The following IL1RAPL2 variants were observed in gnomAD, a reference collection of about 807,000 sequenced individuals.
IL1RAPL2 encodes X-linked interleukin-1 receptor accessory protein-like 2.
A neutral mutation model predicts 44.1 loss-of-function variants in IL1RAPL2; 3 were observed. The ratio of observed to expected loss-of-function variants is 0.07; its 90% CI spans 0.03 to 0.18. IL1RAPL2 has a LOEUF of 0.18. Among genes scored for constraint, IL1RAPL2 ranks in the 10% least tolerant of loss-of-function variants. The probability of loss-of-function intolerance (pLI) is 1.00; values close to 1 mark genes in which losing one functional copy is unlikely to be tolerated. For synonymous variants in IL1RAPL2, 181 were observed against 178.8 expected (o/e 1.01, Z -0.10); for missense variants, 391 against 496.4 (o/e 0.79, Z 2.02).
At position 105,542,738 on chromosome X, in the gene IL1RAPL2, TA is replaced by T. The variant is rs1470360126; in HGVS notation, c.772+58352del. On this transcript the variant is annotated intron_variant, in intron 6 of 10. Transcript: ENST00000372582. Reference sequence around the variant, plus strand: ...TTATTTATTTATTTATTTAATTTATTATTTTTTTTTTTTGAGACGGAGTCTC... The same window carrying T: ...TTATTTATTTATTTATTTAATTTATTTTTTTTTTTTTTGAGACGGAGTCTC... Among the ~76,000 whole-genome samples the T allele has an allele frequency of 2.5e-3, 258 of 103,153 alleles. 5 individuals carry two copies. Among genetic ancestry groups the T allele is most frequent in the Admixed American group, 5.8e-3 (56 of 9,612 alleles). The allele number at this position is 103,153 out of a possible 115,157, so 89.6% of individuals were successfully genotyped here.
intron 2 of IL1RAPL2, among the ~76,000 whole-genome samples, chrX:105,123,506 A>G: frequency 9.0e-6 from 1 of 110,955 alleles, no homozygotes; most frequent in Middle Eastern, 4.7e-3. Context: ...TTTCCACACT[A>G]CTGGAAAAAA....
At chrX:104,585,328 A>ATT (rs1928518799) in intron 1 of IL1RAPL2, among the ~76,000 whole-genome samples, 1 of 12,482 alleles carries the variant, frequency 8.0e-5, no homozygotes, top group East Asian at 2.9e-3. Context: ...TATTATATAT[A>ATT]ATATATATTA....
intron 2 of IL1RAPL2, among the ~76,000 whole-genome samples, chrX:105,046,470 T>C (rs1341180812): frequency 9.0e-6 from 1 of 111,654 alleles, no homozygotes; most frequent in Non-Finnish European, 1.9e-5. Flanking sequence ...TACCAGTGCT[T>C]ACAGACATCA....
intron 2 of IL1RAPL2, among the ~76,000 whole-genome samples, chrX:104,939,350 C>G: frequency 8.9e-6 from 1 of 111,771 alleles, no homozygotes; most frequent in East Asian, 2.8e-4. Context: ...AGCCACCACG[C>G]TGGGCCACAT....
intron 2 of IL1RAPL2, among the ~76,000 whole-genome samples, chrX:104,903,840 A>T (rs887937954): frequency 9.0e-6 from 1 of 111,469 alleles, no homozygotes. Context: ...CAGCCTCCCA[A>T]AGTGCTAGGA....
chrX:104,571,652 C>A (rs959938916), intron 1 of IL1RAPL2, among the ~76,000 whole-genome samples: 1 of 112,206 alleles, frequency 8.9e-6, no homozygotes, highest in Non-Finnish European at 1.9e-5. Flanking sequence ...CCCAGCCATG[C>A]GGAACTGTGA....
At chrX:105,016,303 A>T (rs2031173968) in intron 2 of IL1RAPL2, among the ~76,000 whole-genome samples, 1 of 111,206 alleles carries the variant, frequency 9.0e-6, no homozygotes, top group Non-Finnish European at 1.9e-5. Flanking sequence ...AATACCCTTT[A>T]TTTCTTTCTC....
At chrX:104,740,637 C>T (rs1478593815) in intron 2 of IL1RAPL2, among the ~76,000 whole-genome samples, 1 of 110,536 alleles carries the variant, frequency 9.0e-6, no homozygotes, top group East Asian at 2.9e-4. Flanking sequence ...AATTATTGCT[C>T]TAAACCTAGT....
intron 6 of IL1RAPL2, among the ~76,000 whole-genome samples, chrX:105,554,569 G>A (rs1045462483): frequency 2.7e-5 from 3 of 110,912 alleles, no homozygotes; most frequent in Admixed American, 1.9e-4. Context: ...ATATTAAGCT[G>A]CTGGATATTG....
At chrX:105,559,277 G>C (rs2036916634) in intron 6 of IL1RAPL2, among the ~76,000 whole-genome samples, 1 of 111,254 alleles carries the variant, frequency 9.0e-6, no homozygotes, top group South Asian at 3.7e-4. Flanking sequence ...GAGAGTTTGT[G>C]GATTTTTAAT....
chrX:104,799,650 C>T (rs1235459159), intron 2 of IL1RAPL2, among the ~76,000 whole-genome samples: 3 of 112,051 alleles, frequency 2.7e-5, no homozygotes, highest in African/African-American at 6.5e-5. Flanking sequence ...TTATTTAAAA[C>T]ATCACCTAAA....
At chrX:104,715,860 C>T (rs889541856) in intron 2 of IL1RAPL2, among the ~76,000 whole-genome samples, 10 of 110,313 alleles carry the variant, frequency 9.1e-5, no homozygotes, top group Non-Finnish European at 1.7e-4. Context: ...GCCATACTAC[C>T]CAAAGCAATT....
intron 2 of IL1RAPL2, among the ~76,000 whole-genome samples, chrX:104,896,271 TAC>T (rs1923644058): frequency 8.9e-6 from 1 of 111,940 alleles, no homozygotes; most frequent in South Asian, 3.8e-4. Context: ...GCCGTCAAGC[TAC>T]AGATGGTCTT....
intron 6 of IL1RAPL2, among the ~76,000 whole-genome samples, chrX:105,684,942 A>G (rs2037957516): frequency 8.9e-6 from 1 of 112,145 alleles, no homozygotes; most frequent in Admixed American, 9.4e-5. Flanking sequence ...GCAAACTCCA[A>G]CAGACCTGCA....
chrX:104,896,066 C>T (rs188916981), intron 2 of IL1RAPL2, among the ~76,000 whole-genome samples: 42 of 111,474 alleles, frequency 3.8e-4, no homozygotes, highest in African/African-American at 1.0e-3. Flanking sequence ...AGGGATGGTA[C>T]GAGATGCCAC....
intron 5 of IL1RAPL2, among the ~76,000 whole-genome samples, chrX:105,481,851 A>T (rs937370860): frequency 3.1e-4 from 35 of 111,870 alleles, no homozygotes; most frequent in African/African-American, 1.1e-3. Flanking sequence ...CATATAGTGA[A>T]GATTAAATCT....
chrX:105,406,146 T>C, intron 5 of IL1RAPL2: 1 of 1,170,009 alleles, frequency 8.5e-7, no homozygotes, highest in Non-Finnish European at 1.2e-6. Context: ...TGTTTGTTTA[T>C]AAAGACAAAT....
At chrX:105,062,721 A>G (rs1164549406) in intron 2 of IL1RAPL2, among the ~76,000 whole-genome samples, 1 of 110,545 alleles carries the variant, frequency 9.0e-6, no homozygotes, top group African/African-American at 3.3e-5. Flanking sequence ...GGGTAAAAGT[A>G]TTTTTTTTCC....
At chrX:105,091,535 A>G (rs1046178892) in intron 2 of IL1RAPL2, among the ~76,000 whole-genome samples, 1 of 111,229 alleles carries the variant, frequency 9.0e-6, no homozygotes, top group African/African-American at 3.3e-5. Flanking sequence ...CCCAAAGCAA[A>G]CCAGGATGGT....
Sources: allele counts gnomAD v4.1 joint callset (sites outside exome capture counted in the v4.1 genomes callset), GRCh38; gene constraint gnomAD v4.1.1; transcripts MANE v1.5; gene names NCBI Gene and HGNC (gene_info 2026-07-23, HGNC 2026-07-21).